KRT8: variants seen among roughly 807,000 people sequenced by gnomAD.
The protein encoded by KRT8 is keratin 8.
A neutral mutation model predicts 43.0 loss-of-function variants in KRT8; 24 were observed. The observed-to-expected ratio is 0.56, with a 90% CI of 0.40 to 0.78. KRT8 has a LOEUF of 0.78. KRT8 is among the 30% of genes least tolerant of loss of function. The pLI is 0.00. For missense variants in KRT8, 492 were observed against 638.4 expected, an observed-to-expected ratio of 0.77 and a Z score of 2.47; for synonymous variants, 214 against 261.2, an observed-to-expected ratio of 0.82 and a Z score of 1.74.
At chr12:52,939,413 A>C (rs1942230852) in intron 2 of KRT8, among the ~76,000 whole-genome samples, 1 of 152,114 alleles carries the variant, frequency 6.6e-6, no homozygotes, top group Non-Finnish European at 1.5e-5. Context: ...CTGAGACAGG[A>C]GAATCACTTG....
chr12:52,917,652 C>T (rs992058627), intron 2 of KRT8, among the ~76,000 whole-genome samples: 1 of 145,808 alleles, frequency 6.9e-6, no homozygotes, highest in South Asian at 2.1e-4. Context: ...AAGTTTGCAG[C>T]GAGACAAGAT....
intron 2 of KRT8, among the ~76,000 whole-genome samples, chr12:52,914,564 A>C (rs1252642560): frequency 1.3e-5 from 2 of 152,158 alleles, no homozygotes; most frequent in Non-Finnish European, 2.9e-5. Context: ...TCCTTGCCTC[A>C]AGCAATCCTC....
intron 2 of KRT8, chr12:52,949,291 G>A (rs773038025): frequency 1.2e-6 from 2 of 1,610,310 alleles, no homozygotes; most frequent in Non-Finnish European, 1.7e-6. Context: ...TGCAGGCGCT[G>A]GGGGCTCTGG....
intron 2 of KRT8, among the ~76,000 whole-genome samples, chr12:52,932,125 A>C: frequency 2.3e-5 from 3 of 130,636 alleles, no homozygotes; most frequent in East Asian, 2.2e-4. Context: ...ATGGAGTCTC[A>C]CTCTGTCACC....
At chr12:52,945,575 C>G (rs1351357447) in intron 2 of KRT8, among the ~76,000 whole-genome samples, 1 of 152,194 alleles carries the variant, frequency 6.6e-6, no homozygotes, top group Non-Finnish European at 1.5e-5. Flanking sequence ...CCAGAGCCAT[C>G]AGCTCAAGCC....
intron 2 of KRT8, among the ~76,000 whole-genome samples, chr12:52,920,357 G>A (rs1941857579): frequency 6.6e-6 from 1 of 151,562 alleles, no homozygotes; most frequent in Non-Finnish European, 1.5e-5. Context: ...CAGCACTTTG[G>A]GAGGCCAAGG....
exon 2 of KRT8, chr12:52,902,043 C>A (rs768237082): frequency 1.2e-6 from 2 of 1,603,028 alleles, no homozygotes; most frequent in Non-Finnish European, 8.5e-7. Context: ...TGGTCTCCAG[C>A]ATCTTGTTCT....
chr12:52,941,887 A>G (rs1942274902), intron 2 of KRT8, among the ~76,000 whole-genome samples: 1 of 152,072 alleles, frequency 6.6e-6, no homozygotes, highest in South Asian at 2.1e-4. Flanking sequence ...AGCTCCATGA[A>G]AGCAGCAACC....
intron 2 of KRT8, among the ~76,000 whole-genome samples, chr12:52,936,640 G>A (rs1465583071): frequency 6.6e-6 from 1 of 152,140 alleles, no homozygotes; most frequent in Non-Finnish European, 1.5e-5. Context: ...AGCCTCCTGG[G>A]TAGCTGGGAT....
At chr12:52,901,801 A>T (rs535582746) in intron 2 of KRT8, 63 bp downstream of exon 2, 1 of 1,154,674 alleles carries the variant, frequency 8.7e-7, no homozygotes, top group Non-Finnish European at 1.3e-6. Context: ...CTTAGTCCCA[A>T]GGTCCCAAGG....
In KRT8 at chr12:52,898,483, C is replaced by T. The variant is rs549571104; in HGVS notation, c.1239G>A (p.Thr413=). Reference sequence around the variant, plus strand: ...CACCTGCATAGCCGCTGGTGGTCTTCGTATGAATACTCATGTTCTGCATCC... The same window carrying T: ...CACCTGCATAGCCGCTGGTGGTCTTTGTATGAATACTCATGTTCTGCATCC... Residue 413 remains threonine (T), a synonymous_variant, in exon 7 of 8, where the codon ACG becomes ACA. Transcript: ENST00000692008. 31 of 1,613,922 alleles carry T rather than the reference C, an allele frequency of 1.9e-5. No individual in the cohort carries two copies. In the South Asian group the frequency reaches 2.9e-4, roughly 15 times the overall value.
At chr12:52,935,339 A>G (rs573848523) in intron 2 of KRT8, among the ~76,000 whole-genome samples, 22 of 130,868 alleles carry the variant, frequency 1.7e-4, no homozygotes, top group Non-Finnish European at 2.8e-4. Flanking sequence ...AGATCGTGCC[A>G]TTGCACTCCA....
At chr12:52,940,327 G>A (rs1036447193) in intron 2 of KRT8, among the ~76,000 whole-genome samples, 2 of 151,694 alleles carry the variant, frequency 1.3e-5, no homozygotes, top group African/African-American at 4.8e-5. Flanking sequence ...CAGCTACTCG[G>A]GAGGCTAAGG....
chr12:52,945,639 C>T (rs2120745551), intron 2 of KRT8, among the ~76,000 whole-genome samples: 1 of 152,264 alleles, frequency 6.6e-6, no homozygotes, highest in African/African-American at 2.4e-5. Flanking sequence ...CCTATCGGGT[C>T]ATCTCTGAGT....
intron 3 of KRT8, chr12:52,900,893 T>C (rs1359965347): frequency 1.6e-6 from 1 of 636,816 alleles, no homozygotes; most frequent in Non-Finnish European, 2.8e-6. Context: ...CTCTTCCACC[T>C]CCTTCTCTAG....
At chr12:52,917,482 C>T (rs550908561) in intron 2 of KRT8, among the ~76,000 whole-genome samples, 18 of 151,416 alleles carry the variant, frequency 1.2e-4, no homozygotes, top group South Asian at 4.2e-4. Context: ...CCGAGGGGGG[C>T]GGATCATCTG....
intron 2 of KRT8, among the ~76,000 whole-genome samples, chr12:52,917,932 GAGAAGAGGA>G (rs1186159332): frequency 2.6e-4 from 38 of 146,214 alleles, no homozygotes; most frequent in Non-Finnish European, 3.4e-4. Context: ...GAAGGAGAAG[GAGAAGAGGA>G]AGAAGAGGAA....
chr12:52,938,420 GC>G (rs1430600756), intron 2 of KRT8, among the ~76,000 whole-genome samples: 1 of 151,496 alleles, frequency 6.6e-6, no homozygotes, highest in East Asian at 1.9e-4. Flanking sequence ...GTTTGCCTCG[GC>G]CTCCCAAAGT....
In KRT8 at chr12:52,904,769, G is replaced by T. The variant is rs1002990848; in HGVS notation, c.213C>A (p.Ser71Arg). 3 of 1,612,460 alleles carry T rather than the reference G, an allele frequency of 1.9e-6. No individual in the cohort carries two copies. The Admixed American group carries it at 5.0e-5, about 27-fold the overall frequency. The change falls in exon 1 of 8, where the codon AGC (serine) becomes AGA (arginine). Residue 71 changes from serine (S) to arginine (R), a missense_variant. Ser to Arg is a moderately radical substitution (Grantham distance 110). Transcript: ENST00000692008. The stretch of plus-strand genomic sequence containing the variant: ...CCTCCAGGACAAGGGGGCTCAGCAG[G>T]CTCTGGTTGACCGTAACTGCGGTGA...
Sources: gnomAD v4.1 joint callset for allele counts (sites outside exome capture counted in the v4.1 genomes callset) on GRCh38, gnomAD v4.1.1 for gene constraint, MANE v1.5 for transcripts, NCBI Gene and HGNC (gene_info 2026-07-23, HGNC 2026-07-21) for gene names.